Variants in CSMD1 observed in about 807,000 individuals in gnomAD.
CSMD1 encodes the protein CUB and Sushi multiple domains 1, also known as CUB and sushi domain-containing protein 1.
In CSMD1, 213 loss-of-function variants were observed where a neutral mutation model predicts 417.5. The ratio of observed to expected loss-of-function variants is 0.51; its 90% confidence interval spans 0.46 to 0.57. CSMD1 has a LOEUF of 0.57. Among genes scored for constraint, CSMD1 ranks in the 20% least tolerant of loss-of-function variants. The probability of loss-of-function intolerance (pLI) is 0.00; values close to 1 mark genes in which losing one functional copy is unlikely to be tolerated. For synonymous variants in CSMD1, 2,862 were observed against 1,736.8 expected, an observed-to-expected ratio of 1.65 and a Z score of -16.11; for missense variants, 6,923 against 4,529.7, an observed-to-expected ratio of 1.53 and a Z score of -15.17.
chr8:4,767,330 A>C (rs921723026), intron 1 of CSMD1, among the ~76,000 whole-genome samples: 3 of 152,240 alleles, frequency 2.0e-5, no homozygotes, highest in African/African-American at 7.2e-5. Context: ...ATTTATTTTC[A>C]AATGTAGAGA....
chr8:4,358,040 G>C (rs562937471), intron 3 of CSMD1, among the ~76,000 whole-genome samples: 2 of 152,218 alleles, frequency 1.3e-5, no homozygotes, highest in South Asian at 4.1e-4. Flanking sequence ...ATACACAGTA[G>C]CTGCTGCTGA....
At chr8:3,136,554 C>T (rs150630377) in intron 41 of CSMD1, among the ~76,000 whole-genome samples, 103 of 152,176 alleles carry the variant, frequency 6.8e-4, no homozygotes, top group African/African-American at 2.3e-3. Flanking sequence ...CATGAGCCAC[C>T]GTGACCGGCT....
chr8:4,263,023 A>G (rs767936818), intron 3 of CSMD1, among the ~76,000 whole-genome samples: 42 of 152,326 alleles, frequency 2.8e-4, no homozygotes, highest in Admixed American at 9.2e-4. Flanking sequence ...TTGGCCAAAT[A>G]GTCTAATGAA....
chr8:4,136,494 T>G (rs1803443864), intron 3 of CSMD1, among the ~76,000 whole-genome samples: 1 of 152,226 alleles, frequency 6.6e-6, no homozygotes, highest in African/African-American at 2.4e-5. Flanking sequence ...GATGCTATTA[T>G]ATTACTGTCC....
intron 10 of CSMD1, among the ~76,000 whole-genome samples, chr8:3,504,862 G>A (rs1054263985): frequency 2.1e-4 from 32 of 152,258 alleles, no homozygotes; most frequent in African/African-American, 6.0e-4. Flanking sequence ...ATGTGAAAAT[G>A]ATAGTGGCAA....
At chr8:3,591,455 T>C (rs866086920) in intron 8 of CSMD1, among the ~76,000 whole-genome samples, 3 of 152,204 alleles carry the variant, frequency 2.0e-5, no homozygotes, top group African/African-American at 7.2e-5. Flanking sequence ...AGCATAACTA[T>C]TTGAGAACTT....
At chr8:3,805,686 T>G (rs964569613) in intron 5 of CSMD1, among the ~76,000 whole-genome samples, 3 of 152,130 alleles carry the variant, frequency 2.0e-5, no homozygotes, top group Admixed American at 2.0e-4. Flanking sequence ...TACTGTACCA[T>G]TGTGTTTCAT....
At chr8:4,259,407 T>C (rs1165303595) in intron 3 of CSMD1, among the ~76,000 whole-genome samples, 1 of 152,154 alleles carries the variant, frequency 6.6e-6, no homozygotes, top group African/African-American at 2.4e-5. Context: ...ACTAGCTTCA[T>C]TCATTTCATA....
chr8:4,396,318 A>G (rs78551128), intron 3 of CSMD1, among the ~76,000 whole-genome samples: 73 of 146,602 alleles, frequency 5.0e-4, no homozygotes, highest in Middle Eastern at 3.5e-3. Context: ...AAAAAAAAAA[A>G]TAGCCAGGCA....
chr8:4,814,498 C>T (rs897773084), intron 1 of CSMD1, among the ~76,000 whole-genome samples: 20 of 152,306 alleles, frequency 1.3e-4, no homozygotes, highest in East Asian at 7.7e-4. Context: ...CCACCCACCT[C>T]GGCCTCCCAA....
chr8:4,174,070 T>C (rs939457047), intron 3 of CSMD1, among the ~76,000 whole-genome samples: 2 of 152,142 alleles, frequency 1.3e-5, no homozygotes, highest in Non-Finnish European at 2.9e-5. Flanking sequence ...ACCTGCCTGC[T>C]TATGATCCAA....
intron 7 of CSMD1, among the ~76,000 whole-genome samples, chr8:3,624,904 A>G (rs1161950184): frequency 3.3e-5 from 5 of 152,306 alleles, no homozygotes; most frequent in African/African-American, 1.2e-4. Context: ...TATCTCAGCA[A>G]GAATGAAACT....
intron 1 of CSMD1, among the ~76,000 whole-genome samples, chr8:4,864,621 A>G (rs1802317787): frequency 6.6e-6 from 1 of 151,630 alleles, no homozygotes; most frequent in Admixed American, 6.6e-5. Flanking sequence ...AGCTTTATTA[A>G]TTTTAAAATT....
At chr8:4,644,778 G>C (rs1723458364) in intron 1 of CSMD1, among the ~76,000 whole-genome samples, 1 of 152,186 alleles carries the variant, frequency 6.6e-6, no homozygotes, top group Non-Finnish European at 1.5e-5. Context: ...CTTACGCATT[G>C]ATGATCTCTT....
intron 3 of CSMD1, among the ~76,000 whole-genome samples, chr8:4,173,491 C>A (rs1714753): frequency 1.3e-5 from 2 of 151,756 alleles, no homozygotes; most frequent in African/African-American, 4.9e-5. Context: ...AGAGACACAG[C>A]TAAGTGCTCT....
chr8:4,501,711 G>T (rs995535543), intron 2 of CSMD1, among the ~76,000 whole-genome samples: 1 of 152,154 alleles, frequency 6.6e-6, no homozygotes, highest in Non-Finnish European at 1.5e-5. Context: ...ATCTACATTA[G>T]TCACTTAGTA....
intron 5 of CSMD1, among the ~76,000 whole-genome samples, chr8:3,994,730 C>T (rs1198221253): frequency 1.3e-5 from 2 of 152,110 alleles, no homozygotes; most frequent in Non-Finnish European, 2.9e-5. Flanking sequence ...GACATCATCC[C>T]CTATATTTAG....
chr8:4,129,218 G>T (rs1259672326), intron 3 of CSMD1, among the ~76,000 whole-genome samples: 1 of 152,014 alleles, frequency 6.6e-6, no homozygotes, highest in Non-Finnish European at 1.5e-5. Flanking sequence ...AAATTCAGCA[G>T]ATTCCTATCA....
rs570713292 is a variant in CSMD1 at position 3,253,874 on chromosome 8, A to T, written c.4154-23643T>A. Among the ~76,000 whole-genome samples, 4 of 152,256 alleles carry T rather than the reference A, an allele frequency of 2.6e-5. No individual in the cohort carries two copies. In the South Asian group the frequency reaches 8.3e-4, roughly 32 times the overall value. The stretch of plus-strand genomic sequence containing the variant: ...TAGTTGGAGCATTTAGCCCATTTAC[A>T]TTTAAGGTTTATATTGTTATGTGTG... On this transcript the variant is annotated intron_variant, in intron 26 of 69. Coordinates refer to ENST00000635120, the MANE Select transcript of CSMD1 (RefSeq NM_033225.6).
Sources: gnomAD v4.1 joint callset for allele counts (sites outside exome capture counted in the v4.1 genomes callset) on GRCh38, gnomAD v4.1.1 for gene constraint, MANE v1.5 for transcripts, NCBI Gene and HGNC (gene_info 2026-07-23, HGNC 2026-07-21) for gene names.